Variants in L3MBTL3 observed in about 807,000 individuals in gnomAD.
L3MBTL3 encodes the protein lethal(3)malignant brain tumor-like protein 3.
Under a neutral mutation model 102.3 loss-of-function variants are expected in L3MBTL3, and 27 were observed. The observed-to-expected ratio is 0.26, with a 90% CI of 0.19 to 0.36. L3MBTL3 has a LOEUF of 0.36. L3MBTL3 is among the 10% of genes least tolerant of loss of function. The pLI is 1.00. For synonymous variants in L3MBTL3, 340 were observed against 320.9 expected, an observed-to-expected ratio of 1.06 and a Z score of -0.64; for missense variants, 798 against 955.3, an observed-to-expected ratio of 0.84 and a Z score of 2.17.
chr6:130,127,205 AT>A (rs1786665848), intron 20 of L3MBTL3, among the ~76,000 whole-genome samples: 1 of 152,178 alleles, frequency 6.6e-6, no homozygotes, highest in Non-Finnish European at 1.5e-5. Flanking sequence ...TTTCTTGGCT[AT>A]TTGATGAGAC....
At chr6:130,044,885 A>G (rs1314879573) in intron 3 of L3MBTL3, among the ~76,000 whole-genome samples, 1 of 152,174 alleles carries the variant, frequency 6.6e-6, no homozygotes, top group African/African-American at 2.4e-5. Flanking sequence ...ATGAATCATG[A>G]AATTTTCTCT....
intron 19 of L3MBTL3, among the ~76,000 whole-genome samples, chr6:130,116,677 T>C (rs1319827095): frequency 6.6e-6 from 1 of 151,948 alleles, no homozygotes; most frequent in Admixed American, 6.6e-5. Context: ...CACTTGAGCA[T>C]GAGTTTGAGG....
chr6:130,092,691 C>T, intron 16 of L3MBTL3, 54 bp from the exon 17 acceptor site: 1 of 1,094,444 alleles, frequency 9.1e-7, no homozygotes, highest in Non-Finnish European at 1.4e-6. Flanking sequence ...AGAACTTTGA[C>T]TGTAGGAACT....
In L3MBTL3 at chr6:130,121,006, G is replaced by C. The variant is rs759435360; in HGVS notation, c.1966+48G>C. ...TACTAATGTGTATTACTGCTAATAT[G>C]AAACAATCAAAGCCTTAACTGGAAT... On this transcript the variant is annotated intron_variant, in intron 20 of 22. Coordinates refer to ENST00000361794, the MANE Select transcript of L3MBTL3 (RefSeq NM_032438.4). 2.3e-5 allele frequency: 27 copies of C among 1,167,860 alleles called. 1 individual carries two copies. In the South Asian group the frequency reaches 3.6e-4, roughly 16 times the overall value. The allele number at this position is 1,167,860 out of a possible 1,614,324, so 72.3% of individuals were successfully genotyped here.
chr6:130,104,263 A>T (rs182578185), intron 18 of L3MBTL3, among the ~76,000 whole-genome samples, 163 bp from the exon 19 acceptor site: 10 of 152,370 alleles, frequency 6.6e-5, no homozygotes, highest in Admixed American at 4.6e-4. Context: ...TATGTTTTAA[A>T]GATAAAATAT....
At chr6:130,041,185 G>C (rs1028398818) in intron 2 of L3MBTL3, among the ~76,000 whole-genome samples, 2 of 152,184 alleles carry the variant, frequency 1.3e-5, no homozygotes, top group African/African-American at 4.8e-5. Flanking sequence ...TATCTTTGTG[G>C]TATGATTTAA....
At chr6:130,097,593 G>T (rs1349625808) in intron 18 of L3MBTL3, among the ~76,000 whole-genome samples, 1 of 152,158 alleles carries the variant, frequency 6.6e-6, no homozygotes, top group African/African-American at 2.4e-5. Context: ...AAGAGTTGGA[G>T]ATGGGTATGG....
chr6:130,094,869 A>T (rs1158375437), intron 18 of L3MBTL3, among the ~76,000 whole-genome samples: 1 of 151,554 alleles, frequency 6.6e-6, no homozygotes, highest in East Asian at 1.9e-4. Flanking sequence ...AAGTAACTTT[A>T]AAAAAAAACC....
intron 2 of L3MBTL3, among the ~76,000 whole-genome samples, chr6:130,029,606 A>G (rs1383771020): frequency 1.3e-5 from 2 of 152,134 alleles, no homozygotes; most frequent in South Asian, 2.1e-4. Context: ...CTACTTGTCC[A>G]TGAAATCTGA....
At chr6:130,021,089 T>C (rs922546428) in intron 1 of L3MBTL3, among the ~76,000 whole-genome samples, 3 of 152,098 alleles carry the variant, frequency 2.0e-5, no homozygotes, top group Non-Finnish European at 2.9e-5. Flanking sequence ...AGAGGCTCTA[T>C]GCTGGCTATC....
At chr6:130,041,392 T>C (rs1183219739) in intron 2 of L3MBTL3, among the ~76,000 whole-genome samples, 2 of 152,202 alleles carry the variant, frequency 1.3e-5, no homozygotes, top group Non-Finnish European at 2.9e-5. Context: ...TCTTCACTTA[T>C]TAGCTGGAAT....
chr6:130,055,174 A>C lies in L3MBTL3; in HGVS notation c.586A>C (p.Asn196His), dbSNP rs755376943. 1 of 1,613,186 alleles carries C rather than the reference A, an allele frequency of 6.2e-7. No individual in the cohort carries two copies. The highest frequency in any genetic ancestry group is 8.5e-7 in the Non-Finnish European group (1 of 1,179,284). Residue 196 changes from asparagine (N) to histidine (H), a missense_variant, in exon 8 of 23, where the codon AAC becomes CAC. Around this residue, in one of 4 missense-constraint regions of L3MBTL3, gnomAD observed 434 missense variants for 506.6 expected, o/e 0.86. Coordinates refer to ENST00000361794, the MANE Select transcript of L3MBTL3 (RefSeq NM_032438.4). ...TAATTTTCCTTTCTTTTTGTAGGAG[A>C]ACAAACAAGATGTAAGAATCCTGAG... is the stretch of plus-strand genomic sequence containing the variant. Reference protein sequence around the residue: ...DGEERDDEMENKQDVRILRGS... With the variant: ...DGEERDDEMEHKQDVRILRGS...
chr6:130,020,296 C>G (rs1778896149), intron 1 of L3MBTL3, among the ~76,000 whole-genome samples: 1 of 150,402 alleles, frequency 6.6e-6, no homozygotes, highest in Non-Finnish European at 1.5e-5. Flanking sequence ...CCGAGGCATC[C>G]GCCGCGCGCC....
At chr6:130,087,507 A>G (rs1023558673) in intron 16 of L3MBTL3, among the ~76,000 whole-genome samples, 1 of 152,204 alleles carries the variant, frequency 6.6e-6, no homozygotes, top group African/African-American at 2.4e-5. Flanking sequence ...ACTGCATGAA[A>G]ATTTAATTAT....
intron 14 of L3MBTL3, among the ~76,000 whole-genome samples, chr6:130,079,492 T>C (rs1379463454): frequency 6.6e-6 from 1 of 152,162 alleles, no homozygotes; most frequent in African/African-American, 2.4e-5. Context: ...CAAGACAGTG[T>C]ATTTGTGCGT....
chr6:130,086,272 T>C, intron 16 of L3MBTL3, 22 bp downstream of exon 16: 2 of 1,485,120 alleles, frequency 1.3e-6, no homozygotes, highest in Non-Finnish European at 1.9e-6. Context: ...GTGTGGGGGG[T>C]TGGCTTTGTC....
chr6:130,050,196 G>A (rs1386005222), intron 5 of L3MBTL3, among the ~76,000 whole-genome samples: 1 of 152,152 alleles, frequency 6.6e-6, no homozygotes. Flanking sequence ...GGAACTTAAC[G>A]TAGATTGCTT....
intron 19 of L3MBTL3, among the ~76,000 whole-genome samples, chr6:130,110,215 T>A (rs1785265708): frequency 6.6e-6 from 1 of 152,200 alleles, no homozygotes; most frequent in South Asian, 2.1e-4. Context: ...TTTAAAGTAG[T>A]TTATTTCTAA....
rs772456909 is a variant in L3MBTL3, at chr6:130,120,921, A to G, written c.1929A>G (p.Arg643=). 6.2e-7 allele frequency: 1 copy of G among 1,612,966 alleles called. No individual in the cohort carries two copies. The highest frequency in any genetic ancestry group is 8.5e-7 in the Non-Finnish European group (1 of 1,179,356). Reference sequence around the variant, plus strand: ...ATGTCAAAGAAGACTTTGAAGAGAGAACAGAAAGTGAAATGAGAACATCAC... The same window carrying G: ...ATGTCAAAGAAGACTTTGAAGAGAGGACAGAAAGTGAAATGAGAACATCAC... ...ADDVKEDFEE[R]TESEMRTSHE... The change falls in exon 20 of 23, where the codon AGA becomes AGG. Residue 643 remains arginine (R), a synonymous_variant. Coordinates refer to ENST00000361794, the MANE Select transcript of L3MBTL3 (RefSeq NM_032438.4).
Sources: allele counts gnomAD v4.1 joint callset (sites outside exome capture counted in the v4.1 genomes callset), GRCh38; gene constraint gnomAD v4.1.1; regional missense constraint gnomAD v4.1.1; transcripts MANE v1.5; gene names NCBI Gene and HGNC (gene_info 2026-07-23, HGNC 2026-07-21).